Variants in SIPA1L1 observed in about 807,000 individuals in gnomAD.
The protein encoded by SIPA1L1 is signal induced proliferation associated 1 like 1, also known as signal-induced proliferation-associated 1-like protein 1.
In SIPA1L1, 26 loss-of-function variants were observed where a neutral mutation model predicts 162.7. That is an observed-to-expected ratio of 0.16 (90% CI 0.12 to 0.22). The LOEUF is 0.22. Ranked by LOEUF, SIPA1L1 falls within the 10% of genes least tolerant of loss-of-function variation. SIPA1L1 has a pLI of 1.00. For synonymous variants in SIPA1L1, 829 were observed against 837.4 expected, an observed-to-expected ratio of 0.99 and a Z score of 0.17; for missense variants, 1,874 against 2,241.0, an observed-to-expected ratio of 0.84 and a Z score of 3.31.
intron 5 of SIPA1L1, among the ~76,000 whole-genome samples, chr14:71,601,635 T>C (rs1250975535): frequency 6.6e-6 from 1 of 152,220 alleles, no homozygotes; most frequent in Non-Finnish European, 1.5e-5. Context: ...TCCATCTTCT[T>C]CAGTTTTTTG....
intron 2 of SIPA1L1, among the ~76,000 whole-genome samples, chr14:71,458,506 A>G (rs910330653): frequency 6.6e-6 from 1 of 152,214 alleles, no homozygotes; most frequent in African/African-American, 2.4e-5. Context: ...CATCCCCATT[A>G]TGAAACCAGT....
intron 14 of SIPA1L1, 163 bp from the exon 15 acceptor site, chr14:71,702,218 C>T: frequency 1.5e-6 from 1 of 660,308 alleles, no homozygotes; most frequent in Non-Finnish European, 2.7e-6. Context: ...TACACATTTC[C>T]ACACCCACGT....
At chr14:71,459,837 G>C (rs1180138704) in intron 2 of SIPA1L1, among the ~76,000 whole-genome samples, 1 of 152,086 alleles carries the variant, frequency 6.6e-6, no homozygotes, top group Non-Finnish European at 1.5e-5. Flanking sequence ...TATTCGAGTT[G>C]ACCCTTAGTA....
In SIPA1L1 at chr14:71,587,627, T is replaced by A. The variant is rs1043041245; in HGVS notation, c.-246T>A. 2.1e-6 allele frequency: 1 copy of A among 465,648 alleles called. No individual in the cohort carries two copies. The highest frequency in any genetic ancestry group is 3.7e-5 in the Admixed American group (1 of 26,952). 28.8% of individuals were successfully genotyped at this position (465,648 alleles called of 1,614,324 possible). On this transcript the variant is annotated 5_prime_UTR_variant, in exon 5 of 24. Coordinates refer to ENST00000381232, the MANE Select transcript of SIPA1L1 (RefSeq NM_001386936.1). The stretch of plus-strand genomic sequence containing the variant: ...CTCAGTAGTACAAGTTCCATTCAGT[T>A]TTTTCTGAAAGAAAGCCCTCTGTTA...
intron 9 of SIPA1L1, among the ~76,000 whole-genome samples, chr14:71,659,220 C>G (rs2043307061): frequency 6.6e-6 from 1 of 152,214 alleles, no homozygotes; most frequent in African/African-American, 2.4e-5. Flanking sequence ...TCCAATTTTA[C>G]TTCTGACCTT....
At chr14:71,459,505 T>C (rs1211501171) in intron 2 of SIPA1L1, among the ~76,000 whole-genome samples, 3 of 152,066 alleles carry the variant, frequency 2.0e-5, no homozygotes, top group African/African-American at 7.2e-5. Flanking sequence ...TTAACTTACA[T>C]GATCACAAGG....
intron 4 of SIPA1L1, among the ~76,000 whole-genome samples, chr14:71,550,740 C>T (rs1261382347): frequency 6.6e-6 from 1 of 152,024 alleles, no homozygotes; most frequent in Non-Finnish European, 1.5e-5. Context: ...GATATTTCCA[C>T]CTTTATGTCC....
intron 4 of SIPA1L1, among the ~76,000 whole-genome samples, chr14:71,581,512 C>T (rs550064499): frequency 5.9e-5 from 9 of 152,078 alleles, no homozygotes; most frequent in Non-Finnish European, 1.3e-4. Flanking sequence ...CTGGTTGTCC[C>T]GGGGCATCTA....
chr14:71,442,350 A>G lies in SIPA1L1; in HGVS notation c.-464-70393A>G, dbSNP rs547449280. Among the ~76,000 whole-genome samples, 7 of 152,210 alleles carry G rather than the reference A, an allele frequency of 4.6e-5. No individual in the cohort carries two copies. The East Asian group carries it at 9.6e-4, about 21-fold the overall frequency. On this transcript the variant is annotated intron_variant, in intron 2 of 23. Coordinates refer to ENST00000381232, the MANE Select transcript of SIPA1L1 (RefSeq NM_001386936.1). ...TTCCAGCCAAGATTTCATTTACTTGATTCAAAGCCCAGAGTATAGATGGAA... is the reference window on the plus strand; with the variant it reads ...TTCCAGCCAAGATTTCATTTACTTGGTTCAAAGCCCAGAGTATAGATGGAA...
intron 2 of SIPA1L1, among the ~76,000 whole-genome samples, chr14:71,453,089 A>C (rs143936299): frequency 1.4e-3 from 209 of 152,312 alleles, no homozygotes; most frequent in Non-Finnish European, 2.5e-3. Context: ...ATTTAAAGTT[A>C]TCTATCTGTT....
chr14:71,621,452 C>G (rs2039438523), intron 6 of SIPA1L1, among the ~76,000 whole-genome samples: 1 of 152,150 alleles, frequency 6.6e-6, no homozygotes, highest in Non-Finnish European at 1.5e-5. Flanking sequence ...ACCTCTGCCT[C>G]AGGGCTCAGA....
chr14:71,551,185 G>A lies in SIPA1L1; in HGVS notation c.-303+21815G>A, dbSNP rs117780398. ...AAATCAGTTGAGGCTGATGTGGGAG[G>A]ATCGTTTGATCCCAGGAATTGGAAG... On this transcript the variant is annotated intron_variant, in intron 4 of 23. Transcript: ENST00000381232. Among the ~76,000 whole-genome samples, 424 of 152,228 alleles carry A rather than the reference G, an allele frequency of 2.8e-3. 1 individual carries two copies. The highest frequency in any genetic ancestry group is 4.3e-3 in the Non-Finnish European group (293 of 68,020).
intron 2 of SIPA1L1, among the ~76,000 whole-genome samples, chr14:71,485,074 G>A (rs1331674569): frequency 1.3e-5 from 2 of 152,170 alleles, no homozygotes; most frequent in Non-Finnish European, 2.9e-5. Flanking sequence ...TATTTTGGAG[G>A]GTGGGAATAG....
rs75843581 is a variant in SIPA1L1, at chr14:71,665,618, G to T, written c.2255+4151G>T. 1.4e-3 allele frequency among the ~76,000 whole-genome samples: 207 copies of T among 152,306 alleles called. 1 individual carries two copies. The highest frequency in any genetic ancestry group is 4.8e-3 in the African/African-American group (198 of 41,564). Reference sequence around the variant, plus strand: ...CTTGTTTATTGATAGAAGAGATGCTGAAAAACTATTCACATCAAAGATATG... The same window carrying T: ...CTTGTTTATTGATAGAAGAGATGCTTAAAAACTATTCACATCAAAGATATG... On this transcript the variant is annotated intron_variant, in intron 10 of 23. Transcript: ENST00000381232.
intron 8 of SIPA1L1, among the ~76,000 whole-genome samples, chr14:71,651,649 A>G (rs2149093470): frequency 6.6e-6 from 1 of 152,328 alleles, no homozygotes; most frequent in East Asian, 1.9e-4. Context: ...GTTGTGCTGT[A>G]TAAATTATCA....
intron 10 of SIPA1L1, among the ~76,000 whole-genome samples, chr14:71,663,874 T>G (rs542627906): frequency 1.6e-4 from 24 of 152,338 alleles, no homozygotes; most frequent in Non-Finnish European, 1.9e-4. Flanking sequence ...AAGCTGTGAA[T>G]TTTGGCCTGT....
intron 13 of SIPA1L1, among the ~76,000 whole-genome samples, chr14:71,692,959 C>G (rs1322597886): frequency 6.6e-6 from 1 of 152,126 alleles, no homozygotes; most frequent in African/African-American, 2.4e-5. Context: ...AAGGTCCTGT[C>G]CTTCTGCACT....
chr14:71,442,780 A>G (rs1204164106), intron 2 of SIPA1L1, among the ~76,000 whole-genome samples: 2 of 152,086 alleles, frequency 1.3e-5, no homozygotes, highest in African/African-American at 4.8e-5. Flanking sequence ...AAATAATAAA[A>G]TAAAAATTAG....
intron 7 of SIPA1L1, among the ~76,000 whole-genome samples, chr14:71,638,763 T>C (rs2041416346): frequency 6.6e-6 from 1 of 152,222 alleles, no homozygotes; most frequent in Non-Finnish European, 1.5e-5. Flanking sequence ...AAGGAATCTA[T>C]AGATAAACAA....
Sources: allele counts gnomAD v4.1 joint callset (sites outside exome capture counted in the v4.1 genomes callset), GRCh38; gene constraint gnomAD v4.1.1; transcripts MANE v1.5; gene names NCBI Gene and HGNC (gene_info 2026-07-23, HGNC 2026-07-21).